ARHGAP15: variants seen among roughly 807,000 people sequenced by gnomAD.
ARHGAP15 encodes rho GTPase-activating protein 15.
A neutral mutation model predicts 63.7 loss-of-function variants in ARHGAP15; 51 were observed. That is an observed-to-expected ratio of 0.80 (90% CI 0.64 to 1.01). The LOEUF is 1.01. ARHGAP15 is among the 50% of genes least tolerant of loss of function. The pLI is 0.00. For missense variants in ARHGAP15, 560 were observed against 564.6 expected (o/e 0.99, Z 0.08); for synonymous variants, 191 against 193.8 (o/e 0.99, Z 0.12).
In ARHGAP15 at chr2:143,230,762, G is replaced by A. The variant is rs540082494; in HGVS notation, c.384+2094G>A. Among the ~76,000 whole-genome samples the A allele has an allele frequency of 6.6e-5, 10 of 152,164 alleles. No individual in the cohort carries two copies. In the East Asian group the frequency reaches 1.2e-3, roughly 18 times the overall value. On this transcript the variant is annotated intron_variant, in intron 5 of 13. Coordinates refer to ENST00000295095, the MANE Select transcript of ARHGAP15 (RefSeq NM_018460.4). ...TCCAGTCTTAGAGAAACGATACAACGATTGCCAGGCCTTGATTAAAGATGC... is the reference window on the plus strand; with the variant it reads ...TCCAGTCTTAGAGAAACGATACAACAATTGCCAGGCCTTGATTAAAGATGC...
intron 6 of ARHGAP15, among the ~76,000 whole-genome samples, chr2:143,422,816 G>A (rs1688982695): frequency 6.6e-6 from 1 of 152,044 alleles, no homozygotes; most frequent in African/African-American, 2.4e-5. Context: ...GACACTACCA[G>A]CCGAGAGAGT....
chr2:143,494,546 G>A (rs1379221168), intron 9 of ARHGAP15, among the ~76,000 whole-genome samples: 1 of 152,086 alleles, frequency 6.6e-6, no homozygotes, highest in Non-Finnish European at 1.5e-5. Context: ...TTGGAGTCTT[G>A]TTTTTATTTT....
chr2:143,317,789 G>A (rs1159100704), intron 6 of ARHGAP15, among the ~76,000 whole-genome samples: 1 of 152,190 alleles, frequency 6.6e-6, no homozygotes, highest in Non-Finnish European at 1.5e-5. Flanking sequence ...AGGCTGCAAA[G>A]ACAGATAACT....
At chr2:143,664,177 C>T in intron 12 of ARHGAP15, among the ~76,000 whole-genome samples, 1 of 152,312 alleles carries the variant, frequency 6.6e-6, no homozygotes, top group South Asian at 2.1e-4. Flanking sequence ...GTAAAGCTCT[C>T]CTCAGCAAAC....
intron 6 of ARHGAP15, among the ~76,000 whole-genome samples, chr2:143,413,927 T>TTTG (rs752044996): frequency 3.1e-5 from 4 of 127,992 alleles, no homozygotes; most frequent in African/African-American, 9.4e-5. Flanking sequence ...AGGTAGGTAG[T>TTTG]TGTGTGTGTG....
chr2:143,212,240 T>C (rs1419321243), intron 3 of ARHGAP15, among the ~76,000 whole-genome samples: 3 of 152,244 alleles, frequency 2.0e-5, no homozygotes, highest in Non-Finnish European at 4.4e-5. Flanking sequence ...CTGTCTTGTC[T>C]GTCGCCTCCA....
chr2:143,293,105 A>G (rs1431493909), intron 6 of ARHGAP15, among the ~76,000 whole-genome samples: 2 of 152,020 alleles, frequency 1.3e-5, no homozygotes, highest in African/African-American at 4.8e-5. Flanking sequence ...CCAGTGTCTA[A>G]AGTCTTTTGT....
intron 6 of ARHGAP15, among the ~76,000 whole-genome samples, chr2:143,389,422 C>A (rs1481125277): frequency 6.6e-6 from 1 of 152,078 alleles, no homozygotes; most frequent in African/African-American, 2.4e-5. Context: ...CAAAAACTTC[C>A]CTCCTTTAAC....
intron 8 of ARHGAP15, among the ~76,000 whole-genome samples, chr2:143,454,672 T>A (rs1279508012): frequency 6.6e-6 from 1 of 152,092 alleles, no homozygotes; most frequent in African/African-American, 2.4e-5. Flanking sequence ...TTTTCTTACG[T>A]TCATAATATG....
chr2:143,302,954 A>G (rs148203357), intron 6 of ARHGAP15, among the ~76,000 whole-genome samples: 1 of 152,198 alleles, frequency 6.6e-6, no homozygotes, highest in African/African-American at 2.4e-5. Context: ...ACAGGCTACT[A>G]GAATCACTTT....
At chr2:143,585,515 T>C (rs1697076431) in intron 11 of ARHGAP15, among the ~76,000 whole-genome samples, 1 of 152,126 alleles carries the variant, frequency 6.6e-6, no homozygotes, top group Admixed American at 6.6e-5. Context: ...AAAATATGAT[T>C]CTGCCACAGT....
At chr2:143,753,170 T>C (rs921608437) in intron 13 of ARHGAP15, among the ~76,000 whole-genome samples, 3 of 152,062 alleles carry the variant, frequency 2.0e-5, no homozygotes, top group African/African-American at 7.2e-5. Context: ...ATAAAATATA[T>C]GTTGACAGAT....
chr2:143,332,425 G>A (rs1684589160), intron 6 of ARHGAP15, among the ~76,000 whole-genome samples: 2 of 152,016 alleles, frequency 1.3e-5, no homozygotes, highest in South Asian at 4.2e-4. Context: ...TTTTTCAGTT[G>A]AGATCTTTTA....
At chr2:143,391,097 T>A (rs1687519384) in intron 6 of ARHGAP15, among the ~76,000 whole-genome samples, 1 of 152,082 alleles carries the variant, frequency 6.6e-6, no homozygotes, top group Admixed American at 6.6e-5. Flanking sequence ...GCATAGAAAG[T>A]CCCTGGAAAC....
chr2:143,417,211 A>G (rs951263461), intron 6 of ARHGAP15, among the ~76,000 whole-genome samples: 1 of 152,016 alleles, frequency 6.6e-6, no homozygotes, highest in Non-Finnish European at 1.5e-5. Context: ...GCTGCAGCCT[A>G]CAATAATATG....
At chr2:143,558,378 C>T (rs1695894651) in intron 11 of ARHGAP15, among the ~76,000 whole-genome samples, 1 of 152,072 alleles carries the variant, frequency 6.6e-6, no homozygotes. Context: ...AATAAGCCTC[C>T]AGTCAGATTT....
chr2:143,507,631 A>C (rs906347209), intron 9 of ARHGAP15, among the ~76,000 whole-genome samples: 6 of 152,308 alleles, frequency 3.9e-5, no homozygotes, highest in Non-Finnish European at 4.4e-5. Context: ...CAAACTTAAA[A>C]CATCAGTCTC....
At chr2:143,338,716 A>G (rs1403087653) in intron 6 of ARHGAP15, among the ~76,000 whole-genome samples, 5 of 152,188 alleles carry the variant, frequency 3.3e-5, no homozygotes, top group African/African-American at 1.2e-4. Context: ...ACTGTAAGGC[A>G]TGACTTTTGA....
chr2:143,368,773 T>A (rs1686411019), intron 6 of ARHGAP15, among the ~76,000 whole-genome samples: 1 of 152,046 alleles, frequency 6.6e-6, no homozygotes, highest in Non-Finnish European at 1.5e-5. Flanking sequence ...AATTTTTCCA[T>A]AGGATTCAAA....
Sources: gnomAD v4.1 joint callset for allele counts (sites outside exome capture counted in the v4.1 genomes callset) on GRCh38, gnomAD v4.1.1 for gene constraint, MANE v1.5 for transcripts, NCBI Gene and HGNC (gene_info 2026-07-23, HGNC 2026-07-21) for gene names.